The following ITGA3 variants were observed in gnomAD, a reference collection of about 807,000 sequenced individuals.
The protein encoded by ITGA3 is integrin subunit alpha 3.
ITGA3 carries 70 observed loss-of-function variants against 131.1 expected under a neutral mutation model. That is an observed-to-expected ratio of 0.53 (90% CI 0.44 to 0.65). The LOEUF (loss-of-function observed/expected upper bound fraction) is 0.65, where lower values mean the gene tolerates loss of function less well. Ranked by LOEUF, ITGA3 falls within the 30% of genes least tolerant of loss-of-function variation. ITGA3 has a pLI of 0.00. For synonymous variants in ITGA3, 537 were observed against 571.6 expected, an observed-to-expected ratio of 0.94 and a Z score of 0.86; for missense variants, 1,098 against 1,388.6, an observed-to-expected ratio of 0.79 and a Z score of 3.33.
At chr17:50,080,911 T>G (rs1422654795) in intron 22 of ITGA3, among the ~76,000 whole-genome samples, 1 of 152,170 alleles carries the variant, frequency 6.6e-6, no homozygotes, top group Non-Finnish European at 1.5e-5. Context: ...CTTTTCAACT[T>G]GGCGGGCCAT....
chr17:50,081,781 G>T (rs1909196402), intron 23 of ITGA3, among the ~76,000 whole-genome samples: 1 of 152,138 alleles, frequency 6.6e-6, no homozygotes, highest in Non-Finnish European at 1.5e-5. Flanking sequence ...CCCCAAAGTG[G>T]CACAGCTTGT....
intron 12 of ITGA3, 63 bp from the exon 13 acceptor site, chr17:50,076,263 G>T: frequency 1.9e-6 from 3 of 1,562,118 alleles, no homozygotes; most frequent in Non-Finnish European, 2.6e-6. Flanking sequence ...TCAGGGTGGT[G>T]TGAGGATTCA....
At chr17:50,084,969 T>C (rs1909323774) in intron 23 of ITGA3, among the ~76,000 whole-genome samples, 1 of 151,782 alleles carries the variant, frequency 6.6e-6, no homozygotes, top group African/African-American at 2.4e-5. Flanking sequence ...TCCCAGCACT[T>C]TGGGAGGCCG....
At position 50,089,294 on chromosome 17, in the gene ITGA3, C is replaced by T; in HGVS notation, c.*216C>T. On this transcript the variant is annotated 3_prime_UTR_variant, in exon 26 of 26. Coordinates refer to ENST00000320031, the MANE Select transcript of ITGA3 (RefSeq NM_002204.4). ...CCTCCCTGATCCCACCCCCTCCTCCCCCAGTGTCCCCTTTCTTCCTATTTA... is the reference window on the plus strand; with the variant it reads ...CCTCCCTGATCCCACCCCCTCCTCCTCCAGTGTCCCCTTTCTTCCTATTTA... 6.3e-7 allele frequency: 1 copy of T among 1,593,228 alleles called. No individual in the cohort carries two copies. The highest frequency in any genetic ancestry group is 1.1e-5 in the South Asian group (1 of 90,560).
chr17:50,088,323 C>A lies in ITGA3; in HGVS notation c.3144C>A (p.Thr1048=), dbSNP rs552312186. Residue 1048 remains threonine (T), a synonymous_variant, in exon 25 of 26, where the codon ACC becomes ACA. Transcript: ENST00000320031. ...AGCCGTCAGAGACAGAGAGGCTGAC[C>A]GACGACTACTGAGGGGGCAGCCCCC... ...KSQPSETERL[T]DDY is the part of the protein sequence containing the mutation. The A allele has an allele frequency of 1.3e-6, 2 of 1,576,890 alleles. No homozygotes were observed. The highest frequency in any genetic ancestry group is 1.2e-5 in the South Asian group (1 of 86,228).
intron 11 of ITGA3, 21 bp from the exon 12 acceptor site, chr17:50,075,578 G>A: frequency 6.2e-7 from 1 of 1,614,248 alleles, no homozygotes. Flanking sequence ...TCCCCTTGCT[G>A]ACCACCCTGT....
chr17:50,066,318 CTT>C (rs112713558), intron 3 of ITGA3, among the ~76,000 whole-genome samples: 32 of 138,318 alleles, frequency 2.3e-4, no homozygotes, highest in South Asian at 1.9e-3. Context: ...CTTTTTCTTT[CTT>C]TTTTTTTTTT....
intron 4 of ITGA3, 88 bp from the exon 5 acceptor site, chr17:50,070,756 G>T: frequency 1.4e-6 from 1 of 730,376 alleles, no homozygotes; most frequent in South Asian, 1.5e-5. Flanking sequence ...TGTTGGGTGG[G>T]GGTGGGGGTG....
At chr17:50,074,096 G>A in intron 8 of ITGA3, 48 bp from the exon 9 acceptor site, 1 of 1,570,010 alleles carries the variant, frequency 6.4e-7, no homozygotes, top group Non-Finnish European at 8.8e-7. Context: ...GTAGCCCCCT[G>A]GGCCCTGCTC....
Position 50,074,299 on chromosome 17 carries a change from G to C in ITGA3, c.1382+19G>C, listed in dbSNP as rs1567700560. On this transcript the variant is annotated intron_variant, in intron 9 of 25. Transcript: ENST00000320031. ...TGCTGCGGTGAGCCAGGAGGCCAGT[G>C]AATAAGGGTCTTTCTCTTCTTCATC... 2.5e-6 allele frequency: 4 copies of C among 1,612,960 alleles called. No individual in the cohort carries two copies. The Admixed American group carries it at 6.7e-5, about 27-fold the overall frequency.
intron 1 of ITGA3, 185 bp from the exon 2 acceptor site, chr17:50,063,892 G>A (rs745754328): frequency 5.1e-5 from 38 of 744,242 alleles, no homozygotes; most frequent in Non-Finnish European, 6.8e-5. Flanking sequence ...TCCCACTCCC[G>A]GGGCACTTCC....
At position 50,056,333 on chromosome 17, in the gene ITGA3, G is replaced by T. The variant is rs1907804205; in HGVS notation, c.-107G>T. 1 of 735,444 alleles carries T rather than the reference G, an allele frequency of 1.4e-6. No homozygotes were observed. Among genetic ancestry groups the T allele is most frequent in the Non-Finnish European group, 2.0e-6 (1 of 491,544 alleles). 45.6% of individuals were successfully genotyped at this position (735,444 alleles called of 1,614,324 possible). A position where few individuals can be genotyped will look rare whatever the true frequency, so the allele number is the denominator to read the frequency against. On this transcript the variant is annotated 5_prime_UTR_variant, in exon 1 of 26. Transcript: ENST00000320031. This position sits in a 1 kb window ranked among gnomAD's most constrained non-coding sequence, Gnocchi z 5.6. Reference sequence around the variant, plus strand: ...TCAGCGCTACGGAGCGCAGCGGCCGGCGGGTTCCAGTGTCCTCCGGCGGCG... The same window carrying T: ...TCAGCGCTACGGAGCGCAGCGGCCGTCGGGTTCCAGTGTCCTCCGGCGGCG...
In ITGA3 at chr17:50,087,837, C is replaced by T. The variant is rs1050711549; in HGVS notation, c.3013C>T (p.Leu1005=). 2.5e-6 allele frequency: 4 copies of T among 1,606,178 alleles called. No homozygotes were observed. The highest frequency in any genetic ancestry group is 3.4e-6 in the Non-Finnish European group (4 of 1,176,194). ...GGTGGCCGTGGGTGCAGGGCTGCTG[C>T]TGCTGGGGCTGATCATCCTCCTGCT... The part of the protein sequence containing the change: ...VLVAVGAGLL[L]LGLIILLLWK... Residue 1005 remains leucine (L), a synonymous_variant, in exon 24 of 26, where the codon CTG becomes TTG. Coordinates refer to ENST00000320031, the MANE Select transcript of ITGA3 (RefSeq NM_002204.4).
intron 24 of ITGA3, 88 bp from the exon 25 acceptor site, chr17:50,088,137 A>G (rs1909546709): frequency 6.8e-7 from 1 of 1,469,632 alleles, no homozygotes; most frequent in African/African-American, 1.4e-5. Context: ...CAGGCTCCCC[A>G]GCCCTAAAGC....
At chr17:50,062,113 C>T (rs530469612) in intron 1 of ITGA3, among the ~76,000 whole-genome samples, 8 of 152,074 alleles carry the variant, frequency 5.3e-5, no homozygotes, top group South Asian at 4.2e-4. Flanking sequence ...CATGCTAGAC[C>T]AGTCCTGATG....
At chr17:50,068,484 A>T (rs1315200016) in intron 4 of ITGA3, among the ~76,000 whole-genome samples, 179 bp downstream of exon 4, 1 of 152,262 alleles carries the variant, frequency 6.6e-6, no homozygotes, top group South Asian at 2.1e-4. Flanking sequence ...GGCCTTACGC[A>T]TATTATGTCA....
chr17:50,075,413 G>A (rs541736515), intron 10 of ITGA3, 46 bp from the exon 11 acceptor site: 65 of 1,589,494 alleles, frequency 4.1e-5, no homozygotes, highest in Admixed American at 1.8e-4. Context: ...GGGCCTGGAC[G>A]TGTGTGTCCC....
In ITGA3 at chr17:50,079,446, C is replaced by T; in HGVS notation, c.2595C>T (p.Asp865=). Residue 865 remains aspartate, a synonymous_variant, in exon 21 of 26, where the codon GAC becomes GAT. Transcript: ENST00000320031. ...TATTTCCTCTCCAGGACCCTGGGGACAGGCCATCATCCCCACAGCGCAGGC... is the reference window on the plus strand; with the variant it reads ...TATTTCCTCTCCAGGACCCTGGGGATAGGCCATCATCCCCACAGCGCAGGC... ...PLNLTLSDPG[D]RPSSPQRRRR... The T allele has an allele frequency of 1.3e-6, 2 of 1,565,402 alleles. No individual in the cohort carries two copies. The highest frequency in any genetic ancestry group is 8.7e-7 in the Non-Finnish European group (1 of 1,155,158).
At chr17:50,081,106 C>A in intron 22 of ITGA3, 1 of 552,230 alleles carries the variant, frequency 1.8e-6, no homozygotes. Flanking sequence ...GCATCCAGCA[C>A]AGGACCTGAC....
Sources: gnomAD v4.1 joint callset for allele counts (sites outside exome capture counted in the v4.1 genomes callset) on GRCh38, gnomAD v4.1.1 for gene constraint, Gnocchi (gnomAD v3.1) non-coding constraint, MANE v1.5 for transcripts, NCBI Gene and HGNC (gene_info 2026-07-23, HGNC 2026-07-21) for gene names.